The following ZFYVE27 variants were observed in gnomAD, a reference collection of about 807,000 sequenced individuals.
ZFYVE27 encodes the protein zinc finger FYVE-type containing 27.
In ZFYVE27, 36 loss-of-function variants were observed where a neutral mutation model predicts 52.8. The ratio of observed to expected loss-of-function variants is 0.68; its 90% CI spans 0.52 to 0.90. ZFYVE27 has a LOEUF of 0.90. Ranked by LOEUF, ZFYVE27 falls within the 40% of genes least tolerant of loss-of-function variation. ZFYVE27 has a pLI of 0.00. For missense variants in ZFYVE27, 450 were observed against 527.2 expected (o/e 0.85, Z 1.43); for synonymous variants, 223 against 215.6 (o/e 1.03, Z -0.30).
Position 97,743,136 on chromosome 10 carries a change from C to A in ZFYVE27, c.240C>A (p.Leu80=), listed in dbSNP as rs773146304. 2 of 1,614,218 alleles carry A rather than the reference C, an allele frequency of 1.2e-6. No homozygotes were observed. Among genetic ancestry groups the A allele is most frequent in the Admixed American group, 1.7e-5 (1 of 60,030 alleles). Residue 80 remains leucine, a synonymous_variant, in exon 3 of 13, where the codon CTC becomes CTA. Transcript: ENST00000684270. ...GTTCCTTGCTGACCTGCCTGGGCCT[C>A]AACGTCTTGTTCCTCACTTTGAATG... ...PLCSLLTCLG[L]NVLFLTLNEG...
At chr10:97,740,181 G>A (rs978514363) in intron 2 of ZFYVE27, among the ~76,000 whole-genome samples, 2 of 152,240 alleles carry the variant, frequency 1.3e-5, no homozygotes, top group African/African-American at 2.4e-5. Context: ...GTTAACCTCT[G>A]AGGATGCCAT....
intron 10 of ZFYVE27, among the ~76,000 whole-genome samples, chr10:97,753,522 G>T (rs1366136203): frequency 6.6e-6 from 1 of 152,150 alleles, no homozygotes; most frequent in Admixed American, 6.5e-5. Flanking sequence ...TGATGGTGAG[G>T]AACAGAGTAG....
At chr10:97,746,509 T>C (rs766358152) in intron 4 of ZFYVE27, among the ~76,000 whole-genome samples, 10 of 152,246 alleles carry the variant, frequency 6.6e-5, no homozygotes, top group Non-Finnish European at 1.0e-4. Context: ...GTTGCAAACG[T>C]GACTTAATAC....
chr10:97,741,600 A>G (rs1460690645), intron 2 of ZFYVE27, among the ~76,000 whole-genome samples: 1 of 151,906 alleles, frequency 6.6e-6, no homozygotes, highest in Non-Finnish European at 1.5e-5. Flanking sequence ...AACATCACAC[A>G]CCATGGCCTA....
chr10:97,757,146 T>C (rs1184255899), intron 10 of ZFYVE27, 119 bp from the exon 11 acceptor site: 2 of 1,423,922 alleles, frequency 1.4e-6, no homozygotes, highest in Non-Finnish European at 2.0e-6. Context: ...CCTGGCTCAC[T>C]GTGTCCAGCC....
At position 97,738,440 on chromosome 10, in the gene ZFYVE27, C is replaced by T. The variant is rs765176197; in HGVS notation, c.-1-37C>T. ...AGGTAGAATTGTGTTGAGGACTAGA[C>T]GTGCAATGCAAATGTTGGGAATTAT... On this transcript the variant is annotated intron_variant, in intron 1 of 12. Transcript: ENST00000684270. 10 of 1,606,794 alleles carry T rather than the reference C, an allele frequency of 6.2e-6. No individual in the cohort carries two copies. The Admixed American group carries it at 1.0e-4, about 16-fold the overall frequency.
intron 2 of ZFYVE27, among the ~76,000 whole-genome samples, chr10:97,739,061 A>T (rs908814360): frequency 6.6e-6 from 1 of 151,850 alleles, no homozygotes; most frequent in Non-Finnish European, 1.5e-5. Context: ...AAATTAAAGA[A>T]ATACAAAAAC....
chr10:97,744,199 A>G (rs193110656), intron 3 of ZFYVE27, among the ~76,000 whole-genome samples: 1 of 152,268 alleles, frequency 6.6e-6, no homozygotes, highest in Non-Finnish European at 1.5e-5. Context: ...CTGCTCTGTT[A>G]GCTTGTTGTT....
rs1291171247 is a variant in ZFYVE27, at chr10:97,750,321, C to T, written c.665-10C>T. ...TTTGCCTCCTACCTTGTTCTCCATT[C>T]CCTGGGTAGTTGTGTCTGAGTACAG... On this transcript the variant is annotated splice_polypyrimidine_tract_variant and intron_variant, in intron 6 of 12. Coordinates refer to ENST00000684270, the MANE Select transcript of ZFYVE27 (RefSeq NM_001385875.1). The T allele has an allele frequency of 4.3e-6, 7 of 1,613,942 alleles. No individual in the cohort carries two copies. The African/African-American group carries it at 9.3e-5, about 22-fold the overall frequency.
chr10:97,756,503 A>T (rs1277182369), intron 10 of ZFYVE27, among the ~76,000 whole-genome samples: 1 of 152,170 alleles, frequency 6.6e-6, no homozygotes, highest in Non-Finnish European at 1.5e-5. Context: ...GCTGGGTCAT[A>T]GCAGGCCTAT....
At chr10:97,755,917 A>C (rs1420619127) in intron 10 of ZFYVE27, among the ~76,000 whole-genome samples, 3 of 152,066 alleles carry the variant, frequency 2.0e-5, no homozygotes, top group African/African-American at 7.2e-5. Flanking sequence ...GAAGGGGCAG[A>C]AAGAGTTGGT....
rs768881739 is a variant in ZFYVE27 at position 97,753,096 on chromosome 10, G to A, written c.956G>A (p.Gly319Glu). 8 of 1,611,526 alleles carry A rather than the reference G, an allele frequency of 5.0e-6. No homozygotes were observed. The Admixed American group carries it at 6.7e-5, about 14-fold the overall frequency. ...AEDELALQDN[G>E]FLSKNEVLRS... The stretch of plus-strand genomic sequence containing the variant: ...GATGAGCTGGCCCTGCAGGACAACG[G>A]GTTCCTGAGCAAGAATGAGGTGCTG... Residue 319 changes from glycine to glutamate, a missense_variant, in exon 10 of 13, where the codon GGG (glycine) becomes GAG (glutamate). Gly to Glu is a moderately conservative substitution (Grantham distance 98, BLOSUM62 -2). Coordinates refer to ENST00000684270, the MANE Select transcript of ZFYVE27 (RefSeq NM_001385875.1).
chr10:97,745,833 C>T (rs921487949), intron 4 of ZFYVE27, among the ~76,000 whole-genome samples: 2 of 152,094 alleles, frequency 1.3e-5, no homozygotes, highest in African/African-American at 2.4e-5. Context: ...TAGCAGTGGA[C>T]GTTTACACCT....
intron 4 of ZFYVE27, among the ~76,000 whole-genome samples, chr10:97,747,943 C>T (rs1213033647): frequency 6.6e-6 from 1 of 152,078 alleles, no homozygotes; most frequent in Admixed American, 6.6e-5. Flanking sequence ...TGAGGTGGGT[C>T]CTCTGATCCT....
rs2046539700 is a variant in ZFYVE27, at chr10:97,750,128, C to T, written c.665-203C>T. The stretch of plus-strand genomic sequence containing the variant: ...TTATTGAGCATTTACTACATTTAAT[C>T]TCTGTAGCTGTCTGGGGCAGGTGGT... On this transcript the variant is annotated intron_variant, in intron 6 of 12. Transcript: ENST00000684270. The T allele has an allele frequency of 1.3e-5, 8 of 611,790 alleles. No individual in the cohort carries two copies. In the East Asian group the frequency reaches 2.3e-4, roughly 17 times the overall value. 37.9% of individuals were successfully genotyped at this position (611,790 alleles called of 1,614,324 possible). A position where few individuals can be genotyped will look rare whatever the true frequency, so the allele number is the denominator to read the frequency against.
intron 10 of ZFYVE27, among the ~76,000 whole-genome samples, chr10:97,756,150 G>A (rs1426011805): frequency 6.6e-6 from 1 of 152,156 alleles, no homozygotes; most frequent in East Asian, 1.9e-4. Flanking sequence ...TGTGTCCCTT[G>A]CTAAGGAGAG....
At chr10:97,742,971 C>A in intron 2 of ZFYVE27, 123 bp from the exon 3 acceptor site, 2 of 1,084,552 alleles carry the variant, frequency 1.8e-6, no homozygotes, top group South Asian at 1.3e-5. Flanking sequence ...CTTTTCGTTT[C>A]TCCTTGACCT....
intron 10 of ZFYVE27, among the ~76,000 whole-genome samples, chr10:97,756,379 C>G (rs1367772653): frequency 6.6e-6 from 1 of 152,178 alleles, no homozygotes; most frequent in Non-Finnish European, 1.5e-5. Flanking sequence ...GCAAGAACTT[C>G]AGGTGATTTT....
chr10:97,744,747 G>A lies in ZFYVE27; in HGVS notation c.287G>A (p.Gly96Asp). The change falls in exon 4 of 13, where the codon GGT becomes GAT. Residue 96 changes from glycine (G) to aspartate (D), a missense_variant. Gly to Asp is a moderately conservative substitution (Grantham distance 94). Coordinates refer to ENST00000684270, the MANE Select transcript of ZFYVE27 (RefSeq NM_001385875.1). ...TCTGCAGGTGCATGGTACTCAGTAG[G>A]TGCCCTGATGATTTCAGTGCCCGCC... is the stretch of plus-strand genomic sequence containing the variant. ...TLNEGAWYSV[G>D]ALMISVPALL... The A allele has an allele frequency of 6.2e-7, 1 of 1,613,840 alleles. No individual in the cohort carries two copies. Among genetic ancestry groups the A allele is most frequent in the Non-Finnish European group, 8.5e-7 (1 of 1,180,042 alleles).
Sources: gnomAD v4.1 joint callset for allele counts (sites outside exome capture counted in the v4.1 genomes callset) on GRCh38, gnomAD v4.1.1 for gene constraint, MANE v1.5 for transcripts, NCBI Gene and HGNC (gene_info 2026-07-23, HGNC 2026-07-21) for gene names.